The following VPS26A variants were observed in gnomAD, a reference collection of about 807,000 sequenced individuals.
The protein encoded by VPS26A is vacuolar protein sorting-associated protein 26A.
VPS26A carries 22 observed loss-of-function variants against 42.4 expected under a neutral mutation model. That is an observed-to-expected ratio of 0.52 (90% CI 0.37 to 0.74). VPS26A has a LOEUF of 0.74. Ranked by LOEUF, VPS26A falls within the 30% of genes least tolerant of loss-of-function variation. The pLI is 0.00. For synonymous variants in VPS26A, 110 were observed against 123.5 expected, an observed-to-expected ratio of 0.89 and a Z score of 0.73; for missense variants, 276 against 379.2, an observed-to-expected ratio of 0.73 and a Z score of 2.26.
chr10:69,136,215 C>T (rs956477682), intron 2 of VPS26A, among the ~76,000 whole-genome samples: 2 of 151,860 alleles, frequency 1.3e-5, no homozygotes, highest in Non-Finnish European at 2.9e-5. Context: ...TGTGTTTTTC[C>T]ATTGCAGGTG....
intron 5 of VPS26A, among the ~76,000 whole-genome samples, chr10:69,159,420 T>G (rs1363928756): frequency 6.6e-6 from 1 of 151,902 alleles, no homozygotes; most frequent in Non-Finnish European, 1.5e-5. Flanking sequence ...ACATATGTAT[T>G]TAGTTCTCCA....
At chr10:69,145,302 A>AGGGATTACAG (rs1458062894) in intron 2 of VPS26A, among the ~76,000 whole-genome samples, 1 of 152,138 alleles carries the variant, frequency 6.6e-6, no homozygotes, top group African/African-American at 2.4e-5. Flanking sequence ...CCCAAAGTGC[A>AGGGATTACAG]GGGATTACAG....
rs1332637633 is a variant in VPS26A at position 69,172,235 on chromosome 10, T to C, written c.*966T>C. On this transcript the variant is annotated 3_prime_UTR_variant, in exon 9 of 9. Coordinates refer to ENST00000263559, the MANE Select transcript of VPS26A (RefSeq NM_004896.5). ...ATGTAGTTATCTAGATCTGGGTAATTTCATGTTTATTAAACTCGAACTTTG... is the reference window on the plus strand; with the variant it reads ...ATGTAGTTATCTAGATCTGGGTAATCTCATGTTTATTAAACTCGAACTTTG... 3.3e-5 allele frequency: 5 copies of C among 152,186 alleles called. No individual in the cohort carries two copies. Among genetic ancestry groups the C allele is most frequent in the Non-Finnish European group, 7.3e-5 (5 of 68,040 alleles). The allele number at this position is 152,186 out of a possible 1,614,324, so 9.4% of individuals were successfully genotyped here. A position where few individuals can be genotyped will look rare whatever the true frequency, so the allele number is the denominator to read the frequency against.
intron 2 of VPS26A, among the ~76,000 whole-genome samples, chr10:69,139,030 T>A (rs929316639): frequency 1.3e-5 from 2 of 152,224 alleles, no homozygotes; most frequent in Non-Finnish European, 2.9e-5. Flanking sequence ...TTTATGTGCT[T>A]CCTTTCGCCC....
intron 2 of VPS26A, among the ~76,000 whole-genome samples, chr10:69,149,299 T>C (rs7093408): frequency 0.042 from 6,324 of 152,176 alleles, 461 homozygotes; most frequent in African/African-American, 0.14. Flanking sequence ...TTGTGGTCTT[T>C]TTTCCAAAAG....
At chr10:69,145,323 C>T (rs1841134071) in intron 2 of VPS26A, among the ~76,000 whole-genome samples, 1 of 152,190 alleles carries the variant, frequency 6.6e-6, no homozygotes, top group Non-Finnish European at 1.5e-5. Flanking sequence ...GTGTGAGCCA[C>T]CACACCCGGC....
chr10:69,165,946 T>A, intron 6 of VPS26A, 96 bp from the exon 7 acceptor site: 1 of 1,174,298 alleles, frequency 8.5e-7, no homozygotes, highest in Non-Finnish European at 1.2e-6. Context: ...ACACCGTCTC[T>A]AAAAAAAAAT....
At chr10:69,125,147 C>A (rs187954939) in intron 1 of VPS26A, among the ~76,000 whole-genome samples, 2 of 152,208 alleles carry the variant, frequency 1.3e-5, no homozygotes. Context: ...CCTAATACTA[C>A]CTGCTCTTCC....
chr10:69,151,429 G>A (rs1841313713), intron 2 of VPS26A, among the ~76,000 whole-genome samples: 1 of 139,432 alleles, frequency 7.2e-6, no homozygotes, highest in African/African-American at 2.9e-5. Flanking sequence ...TCCAGCCTGG[G>A]CTACAGGGCG....
intron 2 of VPS26A, among the ~76,000 whole-genome samples, chr10:69,144,253 C>G (rs1027309706): frequency 2.0e-5 from 3 of 152,184 alleles, no homozygotes; most frequent in African/African-American, 7.2e-5. Flanking sequence ...ACCATTATTA[C>G]CACATTATTA....
At chr10:69,155,670 C>T in intron 2 of VPS26A, 142 bp from the exon 3 acceptor site, 1 of 672,808 alleles carries the variant, frequency 1.5e-6, no homozygotes, top group Non-Finnish European at 2.6e-6. Flanking sequence ...ATAACATCAT[C>T]CTGATTTAGG....
intron 5 of VPS26A, chr10:69,161,677 C>G (rs973497250): frequency 1.9e-5 from 7 of 362,864 alleles, no homozygotes; most frequent in Non-Finnish European, 3.9e-5. Flanking sequence ...CCAGTTTCTT[C>G]TTGTCATCAA....
intron 2 of VPS26A, among the ~76,000 whole-genome samples, chr10:69,141,562 A>G (rs1589350294): frequency 6.6e-6 from 1 of 152,342 alleles, no homozygotes; most frequent in East Asian, 1.9e-4. Flanking sequence ...CTCAGAATGT[A>G]TGCAGCTGGA....
intron 2 of VPS26A, among the ~76,000 whole-genome samples, chr10:69,147,990 G>A (rs956535167): frequency 6.6e-6 from 1 of 152,152 alleles, no homozygotes; most frequent in African/African-American, 2.4e-5. Flanking sequence ...GGGATTACAG[G>A]CATGAGCCAC....
chr10:69,133,601 C>T (rs1394403694), intron 2 of VPS26A: 2 of 1,289,554 alleles, frequency 1.6e-6, no homozygotes, highest in Non-Finnish European at 2.0e-6. Context: ...ATGACGCCTT[C>T]TATAAGGTTT....
intron 2 of VPS26A, chr10:69,133,409 C>A: frequency 2.1e-6 from 1 of 475,648 alleles, no homozygotes; most frequent in Non-Finnish European, 3.2e-6. Flanking sequence ...GTTTGTTTTT[C>A]CTTTAACATT....
rs970125996 is a variant in VPS26A, at chr10:69,174,064, A to AC, written c.*2801dup. 2.0e-5 allele frequency among the ~76,000 whole-genome samples: 3 copies of AC among 151,848 alleles called. No homozygotes were observed. Among genetic ancestry groups the AC allele is most frequent in the Non-Finnish European group, 4.4e-5 (3 of 67,968 alleles). ...ACAAATAAGAGAATAAAAGCTGGCC[A>AC]CCCCCCAGCCAGCAGCGGCAACCGG... On this transcript the variant is annotated 3_prime_UTR_variant, in exon 9 of 9. Transcript: ENST00000263559.
At position 69,138,700 on chromosome 10, in the gene VPS26A, T is replaced by C. The variant is rs142228645; in HGVS notation, c.153+5653T>C. Among the ~76,000 whole-genome samples, 6 of 152,334 alleles carry C rather than the reference T, an allele frequency of 3.9e-5. No homozygotes were observed. The East Asian group carries it at 1.2e-3, about 29-fold the overall frequency. ...TTAAGATAAAATACTTCAGGAATCA[T>C]ATTGTCATTTCCAATTCAATTTGAA... On this transcript the variant is annotated intron_variant, in intron 2 of 8. Transcript: ENST00000263559.
In VPS26A at chr10:69,149,630, A is replaced by G. The variant is rs374502357; in HGVS notation, c.154-6182A>G. On this transcript the variant is annotated intron_variant, in intron 2 of 8. Transcript: ENST00000263559. ...AGTGATCCTCACACCTCAGCCTCCC[A>G]AAGTGCCAGGAGTACAGGTCTGAGC... 2.0e-4 allele frequency among the ~76,000 whole-genome samples: 30 copies of G among 152,124 alleles called. No individual in the cohort carries two copies. In the East Asian group the frequency reaches 4.8e-3, roughly 24 times the overall value.
Sources: allele counts gnomAD v4.1 joint callset (sites outside exome capture counted in the v4.1 genomes callset), GRCh38; gene constraint gnomAD v4.1.1; transcripts MANE v1.5; gene names NCBI Gene and HGNC (gene_info 2026-07-23, HGNC 2026-07-21).